NEK4: variants seen among roughly 807,000 people sequenced by gnomAD.
NEK4 encodes the protein NIMA related kinase 4.
Under a neutral mutation model 98.4 loss-of-function variants are expected in NEK4, and 86 were observed. That is an observed-to-expected ratio of 0.87 (90% confidence interval 0.73 to 1.05). The LOEUF is 1.05. Ranked by LOEUF, NEK4 falls within the 50% of genes least tolerant of loss-of-function variation. The pLI is 0.00. For synonymous variants in NEK4, 328 were observed against 342.2 expected, an observed-to-expected ratio of 0.96 and a Z score of 0.46; for missense variants, 898 against 950.3, an observed-to-expected ratio of 0.94 and a Z score of 0.72.
intron 4 of NEK4, among the ~76,000 whole-genome samples, chr3:52,765,197 A>T (rs1193485141): frequency 2.0e-5 from 3 of 151,992 alleles, no homozygotes; most frequent in Non-Finnish European, 2.9e-5. Context: ...CTAAAAATAC[A>T]AAAATTAGCT....
At position 52,746,817 on chromosome 3, in the gene NEK4, G is replaced by A; in HGVS notation, c.1594C>T (p.Leu532=). Residue 532 remains leucine (L), a synonymous_variant, in exon 9 of 16, where the codon CTG becomes TTG. Coordinates refer to ENST00000233027, the MANE Select transcript of NEK4 (RefSeq NM_003157.6). ...CTCTTTTGCCGTCGCTGTCGAGACA[G>A]GGAAGGTTCAGACCCAGAGTTGTGT... ...QPHNSGSEPS[L]SRQRRQKRRE... is the part of the protein sequence containing the mutation. 1.2e-6 allele frequency: 2 copies of A among 1,614,114 alleles called. No individual in the cohort carries two copies.
intron 6 of NEK4, among the ~76,000 whole-genome samples, chr3:52,752,908 A>T (rs2097407813): frequency 9.0e-6 from 1 of 110,772 alleles, no homozygotes; most frequent in Admixed American, 1.1e-4. Context: ...CTCAAAAAAA[A>T]AAAAAAAAAA....
chr3:52,764,376 A>T (rs536232731), intron 4 of NEK4, among the ~76,000 whole-genome samples: 33 of 152,094 alleles, frequency 2.2e-4, no homozygotes, highest in Non-Finnish European at 4.0e-4. Flanking sequence ...TCACACCTGT[A>T]ATCTCAGCAC....
chr3:52,770,874 G>A lies in NEK4; in HGVS notation c.-128C>T, dbSNP rs1466413168. 7.5e-6 allele frequency: 6 copies of A among 797,076 alleles called. No homozygotes were observed. The highest frequency in any genetic ancestry group is 1.2e-5 in the Non-Finnish European group (6 of 502,198). The allele number at this position is 797,076 out of a possible 1,614,324, so 49.4% of individuals were successfully genotyped here. A position where few individuals can be genotyped will look rare whatever the true frequency, so the allele number is the denominator to read the frequency against. On this transcript the variant is annotated 5_prime_UTR_variant, in exon 1 of 16. Transcript: ENST00000233027. ...CGGCTGTTGAGGCAGCCGGGCCCGG[G>A]CGGGATTGCTGGGGCCCGGCCCGCG...
chr3:52,750,926 C>A (rs531142308), intron 7 of NEK4, among the ~76,000 whole-genome samples: 1 of 152,144 alleles, frequency 6.6e-6, no homozygotes, highest in South Asian at 2.1e-4. Context: ...GACCCTGTCT[C>A]AAAAAATTAA....
chr3:52,744,061 C>A (rs1333111423), intron 11 of NEK4, among the ~76,000 whole-genome samples, 178 bp downstream of exon 11: 1 of 152,192 alleles, frequency 6.6e-6, no homozygotes, highest in Admixed American at 6.5e-5. Flanking sequence ...ACATTCAACA[C>A]CCTATGATGA....
chr3:52,733,634 C>A, intron 15 of NEK4: 1 of 489,120 alleles, frequency 2.0e-6, no homozygotes, highest in Non-Finnish European at 4.1e-6. Context: ...ATTTAGCAAG[C>A]ATTCAGGACT....
At chr3:52,745,924 T>C (rs2097395284) in intron 10 of NEK4, 137 bp downstream of exon 10, 2 of 769,662 alleles carry the variant, frequency 2.6e-6, no homozygotes, top group Admixed American at 4.7e-5. Context: ...GGTCTCACTA[T>C]ATTGCCCAGG....
In NEK4 at chr3:52,711,440, A is replaced by G. The variant is rs2097350277; in HGVS notation, c.*337T>C. 5.8e-6 allele frequency: 1 copy of G among 171,596 alleles called. No homozygotes were observed. Among genetic ancestry groups the G allele is most frequent in the African/African-American group, 2.4e-5 (1 of 42,232 alleles). 10.6% of individuals were successfully genotyped at this position (171,596 alleles called of 1,614,324 possible). On this transcript the variant is annotated 3_prime_UTR_variant, in exon 16 of 16. Coordinates refer to ENST00000233027, the MANE Select transcript of NEK4 (RefSeq NM_003157.6). ...TACAATATAAAATTTTCAATCCAGCATTTTATAGCTCTGTGTTTAAGTTAA... is the reference window on the plus strand; with the variant it reads ...TACAATATAAAATTTTCAATCCAGCGTTTTATAGCTCTGTGTTTAAGTTAA...
chr3:52,749,619 AG>A, intron 8 of NEK4, 72 bp downstream of exon 8: 1 of 177,968 alleles, frequency 5.6e-6, no homozygotes, highest in African/African-American at 2.4e-5. Context: ...TGATCACTTG[AG>A]GTCAGAAGTT....
chr3:52,743,015 G>C (rs2097389401), intron 12 of NEK4, among the ~76,000 whole-genome samples: 1 of 152,030 alleles, frequency 6.6e-6, no homozygotes, highest in South Asian at 2.1e-4. Flanking sequence ...AAACTCCTGG[G>C]CTAAAGCAAT....
At chr3:52,746,255 C>T (rs1036392402) in intron 9 of NEK4, 45 bp from the exon 10 acceptor site, 8 of 1,563,040 alleles carry the variant, frequency 5.1e-6, no homozygotes, top group African/African-American at 4.1e-5. Context: ...TATATAGCCC[C>T]TTCCAATGTT....
chr3:52,764,656 G>A (rs879236242), intron 4 of NEK4, among the ~76,000 whole-genome samples: 2 of 151,708 alleles, frequency 1.3e-5, no homozygotes, highest in East Asian at 3.9e-4. Flanking sequence ...TGCAGGTACC[G>A]ACTTGGAAGG....
chr3:52,719,140 A>G (rs899698153), intron 15 of NEK4, among the ~76,000 whole-genome samples: 5 of 152,176 alleles, frequency 3.3e-5, no homozygotes, highest in Admixed American at 2.6e-4. Flanking sequence ...CACTAAGCTA[A>G]GCTTTGGAAT....
At chr3:52,728,348 C>T (rs1346916692) in intron 15 of NEK4, among the ~76,000 whole-genome samples, 2 of 152,212 alleles carry the variant, frequency 1.3e-5, no homozygotes, top group Non-Finnish European at 2.9e-5. Context: ...TGCACTGTTG[C>T]AGGAAGTCAG....
intron 8 of NEK4, among the ~76,000 whole-genome samples, chr3:52,749,413 G>A (rs867665959): frequency 1.6e-4 from 24 of 151,806 alleles, no homozygotes; most frequent in African/African-American, 4.6e-4. Flanking sequence ...GATTACAGGC[G>A]TGAGCCACCA....
At chr3:52,733,606 G>T (rs1027009473) in intron 15 of NEK4, 2 of 508,214 alleles carry the variant, frequency 3.9e-6, no homozygotes, top group South Asian at 1.4e-5. Context: ...CCTTACAAAT[G>T]TAACAAACGT....
intron 15 of NEK4, among the ~76,000 whole-genome samples, chr3:52,713,349 G>A (rs1474864925): frequency 6.6e-6 from 1 of 152,212 alleles, no homozygotes; most frequent in East Asian, 1.9e-4. Context: ...AGCCTAGGCT[G>A]TCTCATCCTT....
intron 1 of NEK4, 29 bp downstream of exon 1, chr3:52,770,625 G>GCCCCTTGCCGGGCCCCA (rs1425182775): frequency 1.2e-6 from 1 of 805,600 alleles, no homozygotes; most frequent in Non-Finnish European, 1.9e-6. Context: ...GCCCGCCCCC[G>GCCCCTTGCCGGGCCCCA]CCCCTTGCCG....
Sources: allele counts gnomAD v4.1 joint callset (sites outside exome capture counted in the v4.1 genomes callset), GRCh38; gene constraint gnomAD v4.1.1; transcripts MANE v1.5; gene names NCBI Gene and HGNC (gene_info 2026-07-23, HGNC 2026-07-21).